The following YEATS2 variants were observed in gnomAD, a reference collection of about 807,000 sequenced individuals.
The protein encoded by YEATS2 is YEATS domain containing 2.
In YEATS2, 77 loss-of-function variants were observed where a neutral mutation model predicts 163.2. The ratio of observed to expected loss-of-function variants is 0.47; its 90% CI spans 0.39 to 0.57. YEATS2 has a LOEUF of 0.57. Among genes scored for constraint, YEATS2 ranks in the 20% least tolerant of loss-of-function variants. YEATS2 has a pLI of 0.00. For missense variants in YEATS2, 1,549 were observed against 1,729.8 expected, an observed-to-expected ratio of 0.90 and a Z score of 1.85; for synonymous variants, 631 against 645.1, an observed-to-expected ratio of 0.98 and a Z score of 0.33.
At chr3:183,779,437 G>A (rs1723337913) in intron 19 of YEATS2, among the ~76,000 whole-genome samples, 1 of 152,200 alleles carries the variant, frequency 6.6e-6, no homozygotes, top group Non-Finnish European at 1.5e-5. Flanking sequence ...TGTTGCAGCA[G>A]TGCACAGGTG....
intron 15 of YEATS2, among the ~76,000 whole-genome samples, chr3:183,766,541 G>A (rs1721924240): frequency 6.6e-6 from 1 of 152,220 alleles, no homozygotes; most frequent in East Asian, 1.9e-4. Context: ...TCGAAGTTAA[G>A]TGTATAACAA....
chr3:183,735,111 A>G lies in YEATS2; in HGVS notation c.813-1607A>G, dbSNP rs999961713. ...TCTCTGGCAGCAGTCTTTCCTGTCT[A>G]TTCACTAAAGGTTAGGCCATGTACA... On this transcript the variant is annotated intron_variant, in intron 7 of 30. Coordinates refer to ENST00000305135, the MANE Select transcript of YEATS2 (RefSeq NM_018023.5). Among the ~76,000 whole-genome samples, 6 of 152,318 alleles carry G rather than the reference A, an allele frequency of 3.9e-5. No homozygotes were observed. The South Asian group carries it at 1.0e-3, about 26-fold the overall frequency.
chr3:183,787,393 T>A (rs1300944056), intron 20 of YEATS2, among the ~76,000 whole-genome samples: 3 of 152,204 alleles, frequency 2.0e-5, no homozygotes, highest in Non-Finnish European at 4.4e-5. Flanking sequence ...CCTTTTTTTT[T>A]AATTATAGCT....
chr3:183,793,030 G>T, intron 21 of YEATS2: 1 of 881,992 alleles, frequency 1.1e-6, no homozygotes, highest in Non-Finnish European at 1.6e-6. Context: ...ATCTGGTATA[G>T]ACAGATACTT....
intron 10 of YEATS2, among the ~76,000 whole-genome samples, chr3:183,753,586 A>G (rs1003176606): frequency 2.0e-5 from 3 of 152,154 alleles, no homozygotes; most frequent in African/African-American, 7.2e-5. Flanking sequence ...CGTCTCTACT[A>G]AAAATACAAA....
rs1472181427 is a variant in YEATS2, at chr3:183,697,820, G to C, written c.-193G>C. On this transcript the variant is annotated 5_prime_UTR_variant, in exon 1 of 31. Coordinates refer to ENST00000305135, the MANE Select transcript of YEATS2 (RefSeq NM_018023.5). ...CCGACGCGCCCAGCTGCTGACGTGCGGGGCGGAACGCGCCGGGCGGGCTCC... is the reference window on the plus strand; with the variant it reads ...CCGACGCGCCCAGCTGCTGACGTGCCGGGCGGAACGCGCCGGGCGGGCTCC... 2.0e-5 allele frequency: 3 copies of C among 149,952 alleles called. No homozygotes were observed. Among genetic ancestry groups the C allele is most frequent in the African/African-American group, 7.3e-5 (3 of 41,072 alleles). 9.3% of individuals were successfully genotyped at this position (149,952 alleles called of 1,614,324 possible). A position where few individuals can be genotyped will look rare whatever the true frequency, so the allele number is the denominator to read the frequency against.
chr3:183,724,772 C>G (rs969316121), intron 6 of YEATS2, among the ~76,000 whole-genome samples: 30 of 152,086 alleles, frequency 2.0e-4, no homozygotes, highest in African/African-American at 7.0e-4. Flanking sequence ...GACAGAGTTT[C>G]GCTCTTGTTG....
At chr3:183,710,779 C>T (rs1191620970) in intron 1 of YEATS2, among the ~76,000 whole-genome samples, 1 of 152,034 alleles carries the variant, frequency 6.6e-6, no homozygotes, top group Non-Finnish European at 1.5e-5. Flanking sequence ...TGGGAGCCAC[C>T]GTTATTCTTG....
intron 8 of YEATS2, among the ~76,000 whole-genome samples, chr3:183,740,497 C>G (rs1425374642): frequency 6.6e-6 from 1 of 152,204 alleles, no homozygotes; most frequent in Non-Finnish European, 1.5e-5. Context: ...AGCCTTCTTG[C>G]TGATTTGGAG....
chr3:183,715,194 C>G lies in YEATS2; in HGVS notation c.32C>G (p.Thr11Ser), dbSNP rs927189050. 6.2e-7 allele frequency: 1 copy of G among 1,613,088 alleles called. No homozygotes were observed. Among genetic ancestry groups the G allele is most frequent in the African/African-American group, 1.3e-5 (1 of 74,498 alleles). MSGIKRTIKE[T>S]DPDYEDVSVA... ...GGAATCAAGCGAACCATCAAAGAAA[C>G]CGACCCTGATTACGAGGATGTATCT... is the stretch of plus-strand genomic sequence containing the variant. The change falls in exon 2 of 31, where the codon ACC becomes AGC. Residue 11 changes from threonine (T) to serine (S), a missense_variant. Physicochemically the swap from Thr to Ser is moderately conservative, Grantham distance 58. Transcript: ENST00000305135.
chr3:183,752,018 C>T (rs1720218459), intron 9 of YEATS2, 55 bp from the exon 10 acceptor site: 1 of 1,594,742 alleles, frequency 6.3e-7, no homozygotes, highest in African/African-American at 1.3e-5. Flanking sequence ...GGGACTTGAG[C>T]TTTCTGTGAC....
At chr3:183,748,335 A>G (rs573217138) in intron 9 of YEATS2, among the ~76,000 whole-genome samples, 7 of 147,408 alleles carry the variant, frequency 4.7e-5, no homozygotes, top group African/African-American at 1.0e-4. Context: ...GCTCACTGCA[A>G]CCTCCTCCTG....
rs146705467 is a variant in YEATS2, at chr3:183,775,955, CGGAGGA to C, written c.2433_2438del (p.Gly813_Gly814del). On this transcript the variant is annotated inframe_deletion, in exon 18 of 31. Transcript: ENST00000305135. ...CAGCTGCCAGTGGTGGGAGTGGTGC[CGGAGGA>C]GGAGGAGGAGGAGGAGGAGGAGGCG... is the stretch of plus-strand genomic sequence containing the variant. The C allele has an allele frequency of 6.6e-4, 995 of 1,498,816 alleles. No homozygotes were observed. Among genetic ancestry groups the C allele is most frequent in the Middle Eastern group, 2.2e-3 (10 of 4,586 alleles). The allele number at this position is 1,498,816 out of a possible 1,614,324, so 92.8% of individuals were successfully genotyped here. A position where few individuals can be genotyped will look rare whatever the true frequency, so the allele number is the denominator to read the frequency against.
chr3:183,705,468 T>C (rs553915896), intron 1 of YEATS2, among the ~76,000 whole-genome samples: 4 of 152,356 alleles, frequency 2.6e-5, no homozygotes, highest in Admixed American at 2.6e-4. Context: ...TTGTTGGATG[T>C]ATAGTTTAAG....
chr3:183,761,373 T>C, intron 13 of YEATS2, 134 bp from the exon 14 acceptor site: 1 of 835,350 alleles, frequency 1.2e-6, no homozygotes, highest in Admixed American at 2.2e-5. Context: ...AGGCGTGAGC[T>C]ACCGCACCCA....
intron 25 of YEATS2, 98 bp downstream of exon 25, chr3:183,801,626 G>C (rs1026267630): frequency 3.3e-5 from 30 of 917,082 alleles, no homozygotes; most frequent in Middle Eastern, 4.4e-4. Context: ...AATTAATATT[G>C]ATATGGCGGT....
At chr3:183,741,185 C>T (rs183171446) in intron 8 of YEATS2, among the ~76,000 whole-genome samples, 1,819 of 152,078 alleles carry the variant, frequency 0.012, 24 homozygotes, top group Middle Eastern at 0.024. Context: ...GTGATCCACC[C>T]GCCTCAGCCT....
rs763308882 is a variant in YEATS2, at chr3:183,806,872, C to T, written c.3791C>T (p.Pro1264Leu). The T allele has an allele frequency of 1.2e-6, 2 of 1,613,926 alleles. No individual in the cohort carries two copies. The highest frequency in any genetic ancestry group is 2.2e-5 in the South Asian group (2 of 91,052). ...LTQIDSEPEC[P>L]SSFSSADNLC... ...CTGCTTGCCTGTCATTTAGAGTGCC[C>T]ATCATCATTCTCCTCTGCTGACAAC... Residue 1264 changes from proline to leucine, a missense_variant, in exon 28 of 31, where the codon CCA becomes CTA. Transcript: ENST00000305135.
intron 7 of YEATS2, among the ~76,000 whole-genome samples, chr3:183,731,270 G>T (rs1026406320): frequency 6.9e-6 from 1 of 145,096 alleles, no homozygotes; most frequent in Admixed American, 7.0e-5. Flanking sequence ...CTGCACTCCA[G>T]CCTGGAGGCA....
Sources: gnomAD v4.1 joint callset for allele counts (sites outside exome capture counted in the v4.1 genomes callset) on GRCh38, gnomAD v4.1.1 for gene constraint, MANE v1.5 for transcripts, NCBI Gene and HGNC (gene_info 2026-07-23, HGNC 2026-07-21) for gene names.